Variants in TNRC6A observed in about 807,000 individuals in gnomAD.
The protein encoded by TNRC6A is trinucleotide repeat containing adaptor 6A, also known as trinucleotide repeat-containing gene 6A protein.
TNRC6A carries 44 observed loss-of-function variants against 221.2 expected under a neutral mutation model. The ratio of observed to expected loss-of-function variants is 0.20; its 90% CI spans 0.16 to 0.26. TNRC6A has a LOEUF of 0.26. TNRC6A is among the 10% of genes least tolerant of loss of function. The pLI is 1.00. For missense variants in TNRC6A, 2,199 were observed against 2,404.4 expected, an observed-to-expected ratio of 0.91 and a Z score of 1.79; for synonymous variants, 847 against 838.5, an observed-to-expected ratio of 1.01 and a Z score of -0.18.
At position 24,790,674 on chromosome 16, in the gene TNRC6A, A is replaced by T. The variant is rs373247119; in HGVS notation, c.2032A>T (p.Ser678Cys). 1.2e-6 allele frequency: 2 copies of T among 1,614,228 alleles called. No individual in the cohort carries two copies. The highest frequency in any genetic ancestry group is 1.7e-6 in the Non-Finnish European group (2 of 1,180,038). The change falls in exon 6 of 25, where the codon AGC becomes TGC. Residue 678 changes from serine to cysteine, a missense_variant. Around this residue, in one of 8 missense-constraint regions of TNRC6A, gnomAD observed 1,405 missense variants for 1,400.2 expected, o/e 1.00. Coordinates refer to ENST00000395799, the MANE Select transcript of TNRC6A (RefSeq NM_014494.4). ...GTVESDGSTE[S>C]TGRLEEKGTG... ...AGTGGAGAGCGATGGTAGTACAGAA[A>T]GCACTGGACGCCTTGAGGAAAAAGG...
At chr16:24,624,712 G>A (rs1047870873) in intron 1 of TNRC6A, among the ~76,000 whole-genome samples, 2 of 152,076 alleles carry the variant, frequency 1.3e-5, no homozygotes, top group Admixed American at 6.6e-5. Flanking sequence ...TCAAACTTCC[G>A]GGCTCAAGTG....
intron 17 of TNRC6A, among the ~76,000 whole-genome samples, chr16:24,808,425 A>G (rs1033309732): frequency 4.6e-5 from 7 of 152,140 alleles, no homozygotes; most frequent in South Asian, 2.1e-4. Flanking sequence ...ACACAGCCAC[A>G]TTTTCTCTAA....
chr16:24,770,624 C>G (rs764898247), intron 4 of TNRC6A, among the ~76,000 whole-genome samples: 1 of 152,178 alleles, frequency 6.6e-6, no homozygotes, highest in Non-Finnish European at 1.5e-5. Flanking sequence ...TGAAGTTTCT[C>G]TCCCGTCACT....
At chr16:24,793,769 G>C in intron 7 of TNRC6A, 120 bp downstream of exon 7, 2 of 851,750 alleles carry the variant, frequency 2.3e-6, no homozygotes, top group Non-Finnish European at 3.1e-6. Flanking sequence ...AATGTAACAT[G>C]ATAGATGATG....
chr16:24,673,658 T>G (rs1567344709), intron 2 of TNRC6A, among the ~76,000 whole-genome samples: 1 of 152,132 alleles, frequency 6.6e-6, no homozygotes, highest in Non-Finnish European at 1.5e-5. Context: ...CCTCCCTGGT[T>G]TAGGTAACCC....
At chr16:24,776,481 TCCAAAGATGAAAAATAGAGA>T in intron 4 of TNRC6A, 1 of 985,432 alleles carries the variant, frequency 1.0e-6, no homozygotes, top group Non-Finnish European at 1.2e-6. Flanking sequence ...TGTGTTGTCT[TCCAAAGATGAAAAATAGAGA>T]CCAAACACAT....
chr16:24,667,168 A>G (rs2055189671), intron 2 of TNRC6A, among the ~76,000 whole-genome samples: 1 of 152,140 alleles, frequency 6.6e-6, no homozygotes, highest in Non-Finnish European at 1.5e-5. Flanking sequence ...TTATGAGTCC[A>G]TTGGTCAGTG....
At chr16:24,739,393 A>G (rs1422559815) in intron 2 of TNRC6A, among the ~76,000 whole-genome samples, 1 of 151,948 alleles carries the variant, frequency 6.6e-6, no homozygotes, top group Non-Finnish European at 1.5e-5. Context: ...TCATTGAAAA[A>G]GGTCTTTATA....
intron 16 of TNRC6A, 61 bp downstream of exon 16, chr16:24,806,344 A>C (rs1419839460): frequency 1.3e-6 from 2 of 1,579,308 alleles, no homozygotes; most frequent in African/African-American, 2.7e-5. Flanking sequence ...GCTTATCTCC[A>C]TTGTAGCAAG....
intron 18 of TNRC6A, among the ~76,000 whole-genome samples, chr16:24,809,963 C>T (rs2058510204): frequency 6.6e-6 from 1 of 152,164 alleles, no homozygotes; most frequent in Non-Finnish European, 1.5e-5. Flanking sequence ...CAGGCCTGAG[C>T]CACCATGCCC....
chr16:24,632,772 G>T (rs1020023684), intron 1 of TNRC6A, among the ~76,000 whole-genome samples: 6 of 152,082 alleles, frequency 3.9e-5, no homozygotes, highest in African/African-American at 1.4e-4. Context: ...ACTTTGGGAG[G>T]CCGAGGCGGG....
chr16:24,667,139 G>T (rs549422428), intron 2 of TNRC6A, among the ~76,000 whole-genome samples: 1 of 152,044 alleles, frequency 6.6e-6, no homozygotes, highest in South Asian at 2.1e-4. Context: ...AAAATAAAAA[G>T]AACACCACTC....
chr16:24,756,788 C>T (rs1281424786), intron 3 of TNRC6A, among the ~76,000 whole-genome samples: 1 of 152,114 alleles, frequency 6.6e-6, no homozygotes, highest in African/African-American at 2.4e-5. Flanking sequence ...CTGCACCTGG[C>T]CTACTTTGGG....
At chr16:24,615,086 T>A (rs999728272) in intron 1 of TNRC6A, among the ~76,000 whole-genome samples, 8 of 152,188 alleles carry the variant, frequency 5.3e-5, no homozygotes, top group African/African-American at 1.9e-4. Context: ...TAAGTAATTT[T>A]TAAAATAAAT....
At position 24,825,451 on chromosome 16, in the gene TNRC6A, C is replaced by G. The variant is rs2058847382; in HGVS notation, c.*1644C>G. 1 of 152,602 alleles carries G rather than the reference C, an allele frequency of 6.6e-6. No homozygotes were observed. Among genetic ancestry groups the G allele is most frequent in the Non-Finnish European group, 1.5e-5 (1 of 68,042 alleles). The allele number at this position is 152,602 out of a possible 1,614,324, so 9.5% of individuals were successfully genotyped here. On this transcript the variant is annotated 3_prime_UTR_variant, in exon 25 of 25. Coordinates refer to ENST00000395799, the MANE Select transcript of TNRC6A (RefSeq NM_014494.4). ...GATATAATAAACCATGACTTTTTGG[C>G]TGCTCAACATTAATTGTCTCCTTTT...
In TNRC6A at chr16:24,809,619, G is replaced by T. The variant is rs1168544598; in HGVS notation, c.4672+138G>T. On this transcript the variant is annotated intron_variant, in intron 18 of 24. Transcript: ENST00000395799. ...AACTTTTCCTCATTTAAAAAAAGTT[G>T]TTATTAAGTCTTAGTTACAATAAGA... The T allele has an allele frequency of 6.2e-6, 7 of 1,120,764 alleles. No individual in the cohort carries two copies. In the African/African-American group the frequency reaches 1.1e-4, roughly 18 times the overall value. The allele number at this position is 1,120,764 out of a possible 1,614,324, so 69.4% of individuals were successfully genotyped here.
At chr16:24,732,021 A>G (rs2547034) in intron 2 of TNRC6A, among the ~76,000 whole-genome samples, 29,272 of 152,280 alleles carry the variant, frequency 0.19, 3,343 homozygotes, top group South Asian at 0.29. Context: ...TAACAGTAGT[A>G]CTAGGTAGAT....
intron 2 of TNRC6A, among the ~76,000 whole-genome samples, chr16:24,745,091 C>T (rs117483588): frequency 9.3e-4 from 141 of 152,220 alleles, no homozygotes; most frequent in Non-Finnish European, 1.7e-3. Context: ...TAGCATGTTC[C>T]CCACCCTTCA....
intron 2 of TNRC6A, among the ~76,000 whole-genome samples, chr16:24,666,395 C>T (rs2055160804): frequency 6.6e-6 from 1 of 150,508 alleles, no homozygotes; most frequent in African/African-American, 2.4e-5. Flanking sequence ...ATGGCATGAA[C>T]CCGGGAGGCA....
Sources: allele counts gnomAD v4.1 joint callset (sites outside exome capture counted in the v4.1 genomes callset), GRCh38; gene constraint gnomAD v4.1.1; regional missense constraint gnomAD v4.1.1; transcripts MANE v1.5; gene names NCBI Gene and HGNC (gene_info 2026-07-23, HGNC 2026-07-21).